Variants in CERKL observed in about 807,000 individuals in gnomAD.
CERKL encodes the protein ceramide kinase-like protein.
A neutral mutation model predicts 63.4 loss-of-function variants in CERKL; 61 were observed. The ratio of observed to expected loss-of-function variants is 0.96; its 90% CI spans 0.78 to 1.19. The LOEUF (loss-of-function observed/expected upper bound fraction) is 1.19, where lower values mean the gene tolerates loss of function less well. CERKL is among the 50% of genes most tolerant of loss of function. The pLI is 0.00. For synonymous variants in CERKL, 250 were observed against 230.5 expected (o/e 1.08, Z -0.77); for missense variants, 675 against 655.5 (o/e 1.03, Z -0.33).
intron 1 of CERKL, among the ~76,000 whole-genome samples, chr2:181,623,926 A>C (rs1430843095): frequency 6.6e-6 from 1 of 152,166 alleles, no homozygotes; most frequent in Non-Finnish European, 1.5e-5. Flanking sequence ...GTTATGTAAT[A>C]TATTATATAT....
chr2:181,656,065 T>G (rs575561493), intron 1 of CERKL, among the ~76,000 whole-genome samples: 1 of 152,334 alleles, frequency 6.6e-6, no homozygotes, highest in African/African-American at 2.4e-5. Flanking sequence ...ATTATAACTT[T>G]TTTAGGTAAC....
intron 2 of CERKL, among the ~76,000 whole-genome samples, chr2:181,580,215 C>T (rs1207940121): frequency 6.6e-6 from 1 of 151,834 alleles, no homozygotes; most frequent in Non-Finnish European, 1.5e-5. Context: ...CATAAATAAT[C>T]TCCTGTGTCC....
chr2:181,567,355 T>C (rs1241076123), intron 3 of CERKL, among the ~76,000 whole-genome samples: 1 of 152,028 alleles, frequency 6.6e-6, no homozygotes, highest in Non-Finnish European at 1.5e-5. Flanking sequence ...CATGAAAAAA[T>C]ATTTATGCTA....
chr2:181,568,758 A>C (rs1421750167), intron 3 of CERKL, among the ~76,000 whole-genome samples: 1 of 150,768 alleles, frequency 6.6e-6, no homozygotes, highest in Non-Finnish European at 1.5e-5. Flanking sequence ...ATATGTATAC[A>C]TGTGCCATGC....
At chr2:181,556,497 C>T (rs919946474) in intron 5 of CERKL, among the ~76,000 whole-genome samples, 1 of 151,712 alleles carries the variant, frequency 6.6e-6, no homozygotes, top group Non-Finnish European at 1.5e-5. Flanking sequence ...TGCGGTGTTT[C>T]GTTTTTTGTC....
At chr2:181,592,087 A>T (rs551022202) in intron 2 of CERKL, among the ~76,000 whole-genome samples, 1 of 152,282 alleles carries the variant, frequency 6.6e-6, no homozygotes, top group African/African-American at 2.4e-5. Context: ...ACTCAATTTC[A>T]ACTTGTATAA....
At chr2:181,565,787 T>G (rs1178296823) in intron 4 of CERKL, among the ~76,000 whole-genome samples, 1 of 152,164 alleles carries the variant, frequency 6.6e-6, no homozygotes, top group East Asian at 1.9e-4. Context: ...TGCAAATGTA[T>G]GCACATTAGT....
chr2:181,621,241 A>G (rs1379834516), intron 1 of CERKL, among the ~76,000 whole-genome samples: 5 of 152,190 alleles, frequency 3.3e-5, no homozygotes, highest in Non-Finnish European at 7.4e-5. Context: ...TTTCAGTTGG[A>G]CTTACTCAAA....
intron 4 of CERKL, among the ~76,000 whole-genome samples, chr2:181,561,422 A>AAG (rs1186435307): frequency 6.6e-6 from 1 of 151,900 alleles, no homozygotes; most frequent in South Asian, 2.1e-4. Context: ...AAAAAAAAAA[A>AAG]AAATAGATCA....
chr2:181,641,483 C>A (rs187090072), intron 1 of CERKL, among the ~76,000 whole-genome samples: 69 of 151,954 alleles, frequency 4.5e-4, no homozygotes, highest in African/African-American at 1.6e-3. Context: ...GCTACCGTGG[C>A]CAGCCCACGA....
At chr2:181,623,690 T>C (rs1686556750) in intron 1 of CERKL, among the ~76,000 whole-genome samples, 1 of 152,196 alleles carries the variant, frequency 6.6e-6, no homozygotes, top group South Asian at 2.1e-4. Flanking sequence ...GCATGCTGTG[T>C]AGGTACGGGT....
chr2:181,651,676 T>C (rs548810746), intron 1 of CERKL, among the ~76,000 whole-genome samples: 188 of 152,162 alleles, frequency 1.2e-3, no homozygotes, highest in African/African-American at 4.3e-3. Flanking sequence ...CCAGATAAAC[T>C]GGGCAAGAGA....
chr2:181,540,052 T>G (rs1687427216), intron 11 of CERKL, among the ~76,000 whole-genome samples: 1 of 6,188 alleles, frequency 1.6e-4, no homozygotes, highest in South Asian at 0.017. Context: ...CATGTAAACC[T>G]CAATGAAACA....
intron 1 of CERKL, among the ~76,000 whole-genome samples, chr2:181,639,980 A>G (rs1011337447): frequency 1.3e-5 from 2 of 151,460 alleles, no homozygotes; most frequent in Middle Eastern, 3.4e-3. Context: ...AGGAATGTAC[A>G]TGGGAATTCC....
chr2:181,591,554 C>T (rs2105876521), intron 2 of CERKL, among the ~76,000 whole-genome samples: 1 of 152,254 alleles, frequency 6.6e-6, no homozygotes, highest in East Asian at 1.9e-4. Context: ...AAATCTTGAA[C>T]TCATTTCAGC....
At position 181,543,997 on chromosome 2, in the gene CERKL, A is replaced by AG. The variant is rs551295416; in HGVS notation, c.1365+702_1365+703insC. Reference sequence around the variant, plus strand: ...AGGCTCTAACTCAAAAAAAAAAAAAAAAAGAAAGAAAAAGAAAAAGTGTGA... The same window carrying AG: ...AGGCTCTAACTCAAAAAAAAAAAAAAGAAAGAAAGAAAAAGAAAAAGTGTGA... On this transcript the variant is annotated intron_variant, in intron 11 of 12. Transcript: ENST00000410087. 3.3e-3 allele frequency among the ~76,000 whole-genome samples: 503 copies of AG among 151,324 alleles called. 3 individuals carry two copies. The highest frequency in any genetic ancestry group is 0.011 in the African/African-American group (450 of 41,262).
intron 1 of CERKL, among the ~76,000 whole-genome samples, chr2:181,626,803 ATCT>A (rs1172485951): frequency 1.3e-5 from 2 of 152,258 alleles, no homozygotes; most frequent in African/African-American, 4.8e-5. Flanking sequence ...CAGAGAGGTC[ATCT>A]TCTGATTTTC....
chr2:181,609,695 C>CT (rs1221848834), intron 1 of CERKL, among the ~76,000 whole-genome samples: 1 of 151,716 alleles, frequency 6.6e-6, no homozygotes, highest in African/African-American at 2.4e-5. Context: ...GACTGAAACT[C>CT]TGTCTCTAAA....
chr2:181,548,427 A>G, intron 8 of CERKL, 118 bp downstream of exon 8: 6 of 798,682 alleles, frequency 7.5e-6, no homozygotes, highest in African/African-American at 3.4e-5. Flanking sequence ...GTGATTCTAT[A>G]TTCTTTACTA....
Sources: gnomAD v4.1 joint callset for allele counts (sites outside exome capture counted in the v4.1 genomes callset) on GRCh38, gnomAD v4.1.1 for gene constraint, MANE v1.5 for transcripts, NCBI Gene and HGNC (gene_info 2026-07-23, HGNC 2026-07-21) for gene names.